TTC13: variants seen among roughly 807,000 people sequenced by gnomAD.
The protein encoded by TTC13 is tetratricopeptide repeat protein 13.
TTC13 carries 62 observed loss-of-function variants against 120.0 expected under a neutral mutation model. The ratio of observed to expected loss-of-function variants is 0.52; its 90% CI spans 0.42 to 0.64. The LOEUF (loss-of-function observed/expected upper bound fraction) is 0.64, where lower values mean the gene tolerates loss of function less well. Ranked by LOEUF, TTC13 falls within the 30% of genes least tolerant of loss-of-function variation. TTC13 has a pLI of 0.00. For missense variants in TTC13, 824 were observed against 1,050.2 expected (o/e 0.78, Z 2.98); for synonymous variants, 384 against 393.5 (o/e 0.98, Z 0.28).
intron 1 of TTC13, among the ~76,000 whole-genome samples, chr1:230,966,198 G>A (rs1302797084): frequency 1.3e-5 from 2 of 151,870 alleles, no homozygotes; most frequent in Non-Finnish European, 2.9e-5. Context: ...TGGGGTAGAG[G>A]GTGATATTTT....
At chr1:230,918,129 G>T (rs1472799487) in intron 17 of TTC13, among the ~76,000 whole-genome samples, 2 of 152,080 alleles carry the variant, frequency 1.3e-5, no homozygotes, top group African/African-American at 4.8e-5. Flanking sequence ...TCAATATGTG[G>T]GCCTGGAACC....
At chr1:230,945,295 A>G in intron 5 of TTC13, 94 bp downstream of exon 5, 1 of 1,122,084 alleles carries the variant, frequency 8.9e-7, no homozygotes, top group Non-Finnish European at 1.4e-6. Flanking sequence ...TCCACATCCC[A>G]TCAAGGGTCA....
rs1268487937 is a variant in TTC13 at position 230,961,200 on chromosome 1, G to T, written c.366+9C>A. Reference sequence around the variant, plus strand: ...TTACAAAAACAGAACACAGAGAGAAGATGCATACCAGAATCTTCTCAGTGT... The same window carrying T: ...TTACAAAAACAGAACACAGAGAGAATATGCATACCAGAATCTTCTCAGTGT... On this transcript the variant is annotated intron_variant, in intron 2 of 22. Coordinates refer to ENST00000366661, the MANE Select transcript of TTC13 (RefSeq NM_024525.5). The T allele has an allele frequency of 6.2e-7, 1 of 1,607,578 alleles. No homozygotes were observed. The highest frequency in any genetic ancestry group is 1.7e-5 in the Admixed American group (1 of 59,836).
chr1:230,949,355 C>G (rs1169463324), intron 4 of TTC13, among the ~76,000 whole-genome samples: 1 of 125,788 alleles, frequency 7.9e-6, no homozygotes, highest in Non-Finnish European at 1.7e-5. Context: ...TATGGTGGCC[C>G]TCCAGCTCTT....
At chr1:230,939,782 C>A (rs1411149298) in intron 7 of TTC13, among the ~76,000 whole-genome samples, 2 of 152,212 alleles carry the variant, frequency 1.3e-5, no homozygotes, top group African/African-American at 4.8e-5. Context: ...TGGTAATAAT[C>A]TGTTAGAGAA....
chr1:230,927,661 G>T (rs1673158425), intron 12 of TTC13, among the ~76,000 whole-genome samples: 1 of 151,970 alleles, frequency 6.6e-6, no homozygotes, highest in Non-Finnish European at 1.5e-5. Context: ...CTTTCCTTAT[G>T]GTGTCATTTG....
chr1:230,931,440 C>T lies in TTC13; in HGVS notation c.1158G>A (p.Val386=). ...GGCTGAGCCCTTTCATATACTGGCA[C>T]ACTTCATTATATGGCTCTAGCTGCA... is the stretch of plus-strand genomic sequence containing the variant. The part of the protein sequence containing the change: ...RCLQLEPYNE[V]CQYMKGLSHV... The change falls in exon 11 of 23, where the codon GTG becomes GTA. Residue 386 remains valine, a synonymous_variant. Coordinates refer to ENST00000366661, the MANE Select transcript of TTC13 (RefSeq NM_024525.5). The T allele has an allele frequency of 1.2e-6, 2 of 1,614,210 alleles. No homozygotes were observed. The highest frequency in any genetic ancestry group is 1.7e-6 in the Non-Finnish European group (2 of 1,180,036).
At chr1:230,934,666 G>A (rs776149591) in intron 8 of TTC13, among the ~76,000 whole-genome samples, 11 of 152,220 alleles carry the variant, frequency 7.2e-5, no homozygotes, top group South Asian at 4.1e-4. Flanking sequence ...CTTATACACT[G>A]CAATAAAAAA....
chr1:230,943,908 G>A lies in TTC13; in HGVS notation c.580-10C>T, dbSNP rs1674749505. On this transcript the variant is annotated splice_polypyrimidine_tract_variant and intron_variant, in intron 5 of 22. Coordinates refer to ENST00000366661, the MANE Select transcript of TTC13 (RefSeq NM_024525.5). ...CAGCATTCTTAATGTCCTTGAAAAG[G>A]CATTAGCTTAGTATGAGACATACTG... is the stretch of plus-strand genomic sequence containing the variant. 6.3e-7 allele frequency: 1 copy of A among 1,598,490 alleles called. No individual in the cohort carries two copies. The highest frequency in any genetic ancestry group is 1.1e-5 in the South Asian group (1 of 89,058).
chr1:230,907,834 G>C (rs552061067), intron 22 of TTC13, among the ~76,000 whole-genome samples: 1 of 152,198 alleles, frequency 6.6e-6, no homozygotes, highest in Non-Finnish European at 1.5e-5. Context: ...AACTAAAGTT[G>C]AACAGTGAGG....
chr1:230,953,742 T>A (rs1675798588), intron 4 of TTC13, among the ~76,000 whole-genome samples: 1 of 152,190 alleles, frequency 6.6e-6, no homozygotes, highest in Non-Finnish European at 1.5e-5. Flanking sequence ...CCAATGATGC[T>A]GGGCAGCTAC....
At chr1:230,927,773 C>T (rs1362904906) in intron 12 of TTC13, among the ~76,000 whole-genome samples, 1 of 152,180 alleles carries the variant, frequency 6.6e-6, no homozygotes, top group Non-Finnish European at 1.5e-5. Context: ...ACCCCAAAGT[C>T]ATAAACATCT....
rs1162318108 is a variant in TTC13, at chr1:230,924,980, G to C, written c.1589-7C>G. On this transcript the variant is annotated splice_region_variant and splice_polypyrimidine_tract_variant and intron_variant, in intron 13 of 22. Coordinates refer to ENST00000366661, the MANE Select transcript of TTC13 (RefSeq NM_024525.5). ...AATGCGGCCAAACCCATAGCTACGA[G>C]AAAGGAATATCGAGAAGAGTTAGTA... 1 of 1,614,116 alleles carries C rather than the reference G, an allele frequency of 6.2e-7. No homozygotes were observed. Among genetic ancestry groups the C allele is most frequent in the Non-Finnish European group, 8.5e-7 (1 of 1,180,004 alleles).
rs777740110 is a variant in TTC13 at position 230,956,574 on chromosome 1, AAATC to A, written c.442+1646_442+1649del. ...ATCAGTAAATATCTGTTGAATGAAC[AAATC>A]AATCAATGAGCCATAAAAACAAATA... On this transcript the variant is annotated intron_variant, in intron 3 of 22. Transcript: ENST00000366661. 70 of 400,274 alleles carry A rather than the reference AAATC, an allele frequency of 1.7e-4. 1 individual carries two copies. The highest frequency in any genetic ancestry group is 6.4e-5 in the African/African-American group (3 of 46,648). The allele number at this position is 400,274 out of a possible 1,614,324, so 24.8% of individuals were successfully genotyped here.
chr1:230,911,612 T>C, intron 19 of TTC13, 63 bp from the exon 20 acceptor site: 1 of 1,024,466 alleles, frequency 9.8e-7, no homozygotes, highest in Non-Finnish European at 1.4e-6. Flanking sequence ...TTTCATTAGG[T>C]GACAGAACAC....
intron 8 of TTC13, among the ~76,000 whole-genome samples, chr1:230,937,473 A>G (rs1167518741): frequency 6.6e-6 from 1 of 152,238 alleles, no homozygotes; most frequent in African/African-American, 2.4e-5. Flanking sequence ...GATGAGAGGA[A>G]CAGAGGGCAG....
intron 4 of TTC13, among the ~76,000 whole-genome samples, chr1:230,950,618 T>C (rs1438174045): frequency 6.6e-6 from 1 of 152,222 alleles, no homozygotes; most frequent in Non-Finnish European, 1.5e-5. Flanking sequence ...AGATTTCACC[T>C]AAGTGACGAA....
chr1:230,913,813 G>T (rs1318926346), intron 18 of TTC13, among the ~76,000 whole-genome samples: 1 of 152,222 alleles, frequency 6.6e-6, no homozygotes, highest in Non-Finnish European at 1.5e-5. Flanking sequence ...TTGGAAAGCA[G>T]GGGTGAACTG....
In TTC13 at chr1:230,912,852, C is replaced by T. The variant is rs16853137; in HGVS notation, c.2094-94G>A. 1.4e-3 allele frequency: 1,599 copies of T among 1,124,284 alleles called. 17 individuals are homozygous for T. The African/African-American group carries it at 0.022, about 16-fold the overall frequency. 69.6% of individuals were successfully genotyped at this position (1,124,284 alleles called of 1,614,324 possible). A position where few individuals can be genotyped will look rare whatever the true frequency, so the allele number is the denominator to read the frequency against. On this transcript the variant is annotated intron_variant, in intron 18 of 22. Coordinates refer to ENST00000366661, the MANE Select transcript of TTC13 (RefSeq NM_024525.5). ...TTTTAAAAAGCAAATAGCATACTGA[C>T]GTAGCACTAAACATATACAAGAATG...
Sources: gnomAD v4.1 joint callset for allele counts (sites outside exome capture counted in the v4.1 genomes callset) on GRCh38, gnomAD v4.1.1 for gene constraint, MANE v1.5 for transcripts, NCBI Gene and HGNC (gene_info 2026-07-23, HGNC 2026-07-21) for gene names.